PPFIA2: variants seen among roughly 807,000 people sequenced by gnomAD.
The protein encoded by PPFIA2 is liprin-alpha-2.
A neutral mutation model predicts 175.5 loss-of-function variants in PPFIA2; 46 were observed. The ratio of observed to expected loss-of-function variants is 0.26; its 90% CI spans 0.21 to 0.34. The LOEUF (loss-of-function observed/expected upper bound fraction) is 0.34. Ranked by LOEUF, PPFIA2 falls within the 10% of genes least tolerant of loss-of-function variation. The pLI, the probability that PPFIA2 is intolerant of heterozygous loss-of-function variation, is 1.00. For synonymous variants in PPFIA2, 568 were observed against 511.4 expected, an observed-to-expected ratio of 1.11 and a Z score of -1.49; for missense variants, 1,179 against 1,506.1, an observed-to-expected ratio of 0.78 and a Z score of 3.60.
At chr12:81,341,273 G>A (rs1296941639) in intron 19 of PPFIA2, 65 bp from the exon 20 acceptor site, 8 of 1,501,856 alleles carry the variant, frequency 5.3e-6, no homozygotes, top group Middle Eastern at 2.0e-4. Context: ...TGACACAAAT[G>A]GAGAATCATG....
chr12:81,299,527 T>C (rs879271418), intron 22 of PPFIA2, 145 bp from the exon 23 acceptor site: 10 of 1,134,940 alleles, frequency 8.8e-6, no homozygotes, highest in Admixed American at 5.6e-5. Flanking sequence ...CCTTATTCCT[T>C]TGAGTAACAC....
intron 15 of PPFIA2, among the ~76,000 whole-genome samples, chr12:81,361,642 C>T (rs1189701465): frequency 6.6e-6 from 1 of 151,458 alleles, no homozygotes; most frequent in Non-Finnish European, 1.5e-5. Flanking sequence ...CTGAAAAATG[C>T]TTTACCAGAT....
At chr12:81,260,014 T>G (rs967603650) in intron 32 of PPFIA2, 1 of 179,148 alleles carries the variant, frequency 5.6e-6, no homozygotes, top group Non-Finnish European at 1.2e-5. Context: ...AGATTTATAT[T>G]CTAGTTCATA....
At chr12:81,381,369 C>T (rs1483047015) in intron 9 of PPFIA2, among the ~76,000 whole-genome samples, 1 of 152,040 alleles carries the variant, frequency 6.6e-6, no homozygotes, top group Admixed American at 6.6e-5. Flanking sequence ...TGTTTTGTTA[C>T]CTACATTCAG....
intron 4 of PPFIA2, among the ~76,000 whole-genome samples, chr12:81,630,727 G>T (rs2063275766): frequency 1.3e-5 from 2 of 151,986 alleles, no homozygotes; most frequent in African/African-American, 4.8e-5. Flanking sequence ...CAGAGATAAA[G>T]GCTAATTTCT....
At chr12:81,295,345 T>C (rs938923949) in intron 23 of PPFIA2, among the ~76,000 whole-genome samples, 10 of 152,170 alleles carry the variant, frequency 6.6e-5, no homozygotes, top group Admixed American at 2.0e-4. Context: ...CCCCTTTGTA[T>C]GTAGGGACCA....
chr12:81,683,166 T>C (rs193001299), intron 3 of PPFIA2, among the ~76,000 whole-genome samples: 2 of 152,148 alleles, frequency 1.3e-5, no homozygotes, highest in East Asian at 3.9e-4. Context: ...ATCCCAGTGA[T>C]TGCCATCTTA....
intron 4 of PPFIA2, among the ~76,000 whole-genome samples, chr12:81,458,779 A>G (rs560307603): frequency 6.6e-6 from 1 of 152,268 alleles, no homozygotes. Context: ...ATAAACAAAT[A>G]TTTATTTTTT....
chr12:81,321,265 GA>G (rs2053598121), intron 22 of PPFIA2, among the ~76,000 whole-genome samples: 1 of 152,002 alleles, frequency 6.6e-6, no homozygotes, highest in African/African-American at 2.4e-5. Context: ...ATGACTTAAG[GA>G]ATTTGCCACT....
intron 17 of PPFIA2, among the ~76,000 whole-genome samples, chr12:81,352,317 A>G (rs984274623): frequency 6.6e-6 from 1 of 151,664 alleles, no homozygotes; most frequent in South Asian, 2.1e-4. Context: ...TGTTTTTGGT[A>G]AAGGCTCTCT....
chr12:81,507,553 C>T (rs2061313959), intron 4 of PPFIA2, among the ~76,000 whole-genome samples: 1 of 152,124 alleles, frequency 6.6e-6, no homozygotes, highest in Admixed American at 6.6e-5. Context: ...CAATTAGCTC[C>T]TCTCTTTTAT....
chr12:81,660,524 C>T (rs2068629279), intron 4 of PPFIA2, among the ~76,000 whole-genome samples: 1 of 152,234 alleles, frequency 6.6e-6, no homozygotes, highest in Admixed American at 6.5e-5. Context: ...AATAACAAAG[C>T]CTCCAAGAAA....
At chr12:81,574,571 T>G (rs1438929817) in intron 4 of PPFIA2, among the ~76,000 whole-genome samples, 1 of 151,788 alleles carries the variant, frequency 6.6e-6, no homozygotes, top group Non-Finnish European at 1.5e-5. Flanking sequence ...AATAAAAAAT[T>G]GCAAAACCTA....
intron 22 of PPFIA2, among the ~76,000 whole-genome samples, chr12:81,313,561 C>T (rs891835808): frequency 6.6e-6 from 1 of 152,102 alleles, no homozygotes; most frequent in Non-Finnish European, 1.5e-5. Flanking sequence ...ACTGGCACTA[C>T]ACTGTCCCAA....
intron 3 of PPFIA2, among the ~76,000 whole-genome samples, chr12:81,681,644 T>C (rs2073652361): frequency 6.6e-6 from 1 of 151,870 alleles, no homozygotes; most frequent in African/African-American, 2.4e-5. Context: ...GCTATAGGGA[T>C]TAATAATGTG....
At chr12:81,432,901 C>T (rs17008559) in intron 7 of PPFIA2, among the ~76,000 whole-genome samples, 33,913 of 151,788 alleles carry the variant, frequency 0.22, 4,668 homozygotes, top group East Asian at 0.51. Context: ...GTTAACCAAA[C>T]GCATCAAATT....
chr12:81,368,878 T>C (rs533418623), intron 12 of PPFIA2, 22 bp from the exon 13 acceptor site: 4 of 1,592,502 alleles, frequency 2.5e-6, no homozygotes, highest in African/African-American at 2.7e-5. Flanking sequence ...AAAAATGACA[T>C]AAAAATCCAT....
intron 4 of PPFIA2, among the ~76,000 whole-genome samples, chr12:81,515,929 AC>A (rs1169563739): frequency 1.3e-5 from 2 of 151,592 alleles, no homozygotes; most frequent in Non-Finnish European, 2.9e-5. Context: ...CTATACCAGC[AC>A]ATCATATACT....
intron 4 of PPFIA2, among the ~76,000 whole-genome samples, chr12:81,544,029 C>T (rs1466073948): frequency 1.3e-5 from 2 of 151,952 alleles, no homozygotes; most frequent in Non-Finnish European, 2.9e-5. Flanking sequence ...CAAAAAGGAC[C>T]TTAGGAAAGA....
Sources: gnomAD v4.1 joint callset for allele counts (sites outside exome capture counted in the v4.1 genomes callset) on GRCh38, gnomAD v4.1.1 for gene constraint, MANE v1.5 for transcripts, NCBI Gene and HGNC (gene_info 2026-07-23, HGNC 2026-07-21) for gene names.